PTK7: variants seen among roughly 807,000 people sequenced by gnomAD.
The protein encoded by PTK7 is inactive tyrosine-protein kinase 7.
A neutral mutation model predicts 116.6 loss-of-function variants in PTK7; 39 were observed. The observed-to-expected ratio is 0.33, with a 90% CI of 0.26 to 0.44. PTK7 has a LOEUF of 0.44. PTK7 is among the 20% of genes least tolerant of loss of function. The pLI, the probability that PTK7 is intolerant of heterozygous loss-of-function variation, is 1.00. For synonymous variants in PTK7, 546 were observed against 563.6 expected (o/e 0.97, Z 0.44); for missense variants, 1,169 against 1,425.6 (o/e 0.82, Z 2.90).
chr6:43,144,271 C>A, intron 14 of PTK7, 180 bp from the exon 15 acceptor site: 1 of 698,404 alleles, frequency 1.4e-6, no homozygotes, highest in South Asian at 1.8e-5. Flanking sequence ...AGGGGATAGC[C>A]ATACATCCCC....
chr6:43,133,304 G>GT, intron 7 of PTK7: 1 of 153,266 alleles, frequency 6.5e-6, no homozygotes, highest in South Asian at 2.1e-4. Context: ...GCTGGGCGCG[G>GT]TGGCTCATGC....
Position 43,144,508 on chromosome 6 carries a change from C to T in PTK7, c.2309C>T (p.Thr770Ile). ...SAEIQEEVAL[T>I]SLGSGPAATN... is the part of the protein sequence containing the mutation. ...GAGATCCAAGAAGAAGTGGCCTTGACCAGCTTGGGCTCCGGCCCCGCGGCC... is the reference window on the plus strand; with the variant it reads ...GAGATCCAAGAAGAAGTGGCCTTGATCAGCTTGGGCTCCGGCCCCGCGGCC... The change falls in exon 15 of 20, where the codon ACC becomes ATC. Residue 770 changes from threonine (T) to isoleucine (I), a missense_variant. By Grantham distance (89) the Thr-to-Ile change is moderately conservative. Coordinates refer to ENST00000230419, the MANE Select transcript of PTK7 (RefSeq NM_002821.5). 13 of 1,614,192 alleles carry T rather than the reference C, an allele frequency of 8.1e-6. No individual in the cohort carries two copies. Among genetic ancestry groups the T allele is most frequent in the Non-Finnish European group, 1.1e-5 (13 of 1,180,034 alleles).
At position 43,113,016 on chromosome 6, in the gene PTK7, C is replaced by A. The variant is rs1174148938; in HGVS notation, c.80-15961C>A. 2.0e-5 allele frequency among the ~76,000 whole-genome samples: 3 copies of A among 151,944 alleles called. No individual in the cohort carries two copies. The East Asian group carries it at 5.8e-4, about 29-fold the overall frequency. Reference sequence around the variant, plus strand: ...GCTAATTTTTTTCTTCTTTTAGAGTCAGGGTTTTGCTGTGCTGCTTAGGCT... The same window carrying A: ...GCTAATTTTTTTCTTCTTTTAGAGTAAGGGTTTTGCTGTGCTGCTTAGGCT... On this transcript the variant is annotated intron_variant, in intron 1 of 19. Transcript: ENST00000230419.
chr6:43,131,029 T>TCACACACACACA (rs3222659), intron 5 of PTK7, among the ~76,000 whole-genome samples: 95 of 133,830 alleles, frequency 7.1e-4, no homozygotes, highest in Middle Eastern at 3.8e-3. Context: ...GGCAAAGACA[T>TCACACACACACA]CACACACACA....
chr6:43,143,232 A>T lies in PTK7; in HGVS notation c.2048-185A>T. On this transcript the variant is annotated intron_variant, in intron 13 of 19. Transcript: ENST00000230419. This position sits in a 1 kb window ranked among gnomAD's most constrained non-coding sequence, Gnocchi z 4.2. ...GGGAACCCCTGGCCTCATCTCCTTC[A>T]GAGTCTTCGTTTGACCTTGGTGGGG... The T allele has an allele frequency of 1.6e-6, 1 of 606,600 alleles. No homozygotes were observed. The highest frequency in any genetic ancestry group is 2.0e-5 in the South Asian group (1 of 49,376). The allele number at this position is 606,600 out of a possible 1,614,324, so 37.6% of individuals were successfully genotyped here. A position where few individuals can be genotyped will look rare whatever the true frequency, so the allele number is the denominator to read the frequency against.
At chr6:43,079,267 A>C (rs969279635) in intron 1 of PTK7, among the ~76,000 whole-genome samples, 1 of 152,100 alleles carries the variant, frequency 6.6e-6, no homozygotes, top group Non-Finnish European at 1.5e-5. Context: ...GGAGATTGAG[A>C]CCATCCTGGC....
intron 1 of PTK7, among the ~76,000 whole-genome samples, chr6:43,094,556 C>T (rs1767134122): frequency 1.3e-5 from 2 of 151,894 alleles, no homozygotes; most frequent in African/African-American, 4.8e-5. Flanking sequence ...GCTCCGCCTC[C>T]TGAGTTCACG....
intron 1 of PTK7, among the ~76,000 whole-genome samples, chr6:43,110,887 C>T (rs1044338948): frequency 2.0e-5 from 3 of 152,168 alleles, no homozygotes; most frequent in African/African-American, 7.2e-5. Flanking sequence ...CTTTCCAGGC[C>T]TCTGTTGGCG....
intron 5 of PTK7, 33 bp downstream of exon 5, chr6:43,130,694 A>G (rs755533449): frequency 5.6e-6 from 9 of 1,610,048 alleles, no homozygotes; most frequent in African/African-American, 1.3e-5. Flanking sequence ...TTCCAGTACC[A>G]TGTACCACAC....
rs756455311 is a variant in PTK7, at chr6:43,132,444, G to A, written c.985G>A (p.Glu329Lys). 3 of 1,583,846 alleles carry A rather than the reference G, an allele frequency of 1.9e-6. No individual in the cohort carries two copies. Among genetic ancestry groups the A allele is most frequent in the Non-Finnish European group, 8.6e-7 (1 of 1,159,782 alleles). ...LAEIEDMPLFEPRVFTAGSEE... is the reference protein window; with the variant it reads ...LAEIEDMPLFKPRVFTAGSEE... ...AGAGATTGAAGACATGCCGCTATTT[G>A]AGCCACGGGTGTTTACAGCTGGCAG... Residue 329 changes from glutamate to lysine, a missense_variant, in exon 7 of 20, where the codon GAG becomes AAG. Coordinates refer to ENST00000230419, the MANE Select transcript of PTK7 (RefSeq NM_002821.5).
At position 43,141,570 on chromosome 6, in the gene PTK7, G is replaced by A. The variant is rs905419139; in HGVS notation, c.1619-98G>A. The A allele has an allele frequency of 1.8e-5, 26 of 1,413,132 alleles. No individual in the cohort carries two copies. Among genetic ancestry groups the A allele is most frequent in the East Asian group, 6.9e-5 (3 of 43,416 alleles). 87.5% of individuals were successfully genotyped at this position (1,413,132 alleles called of 1,614,324 possible). ...ACTTTGCCTGTGGGTGGTCAGGAGC[G>A]ATGGTGTGTTTTTGAGTAGAGGTGA... On this transcript the variant is annotated intron_variant, in intron 10 of 19. Coordinates refer to ENST00000230419, the MANE Select transcript of PTK7 (RefSeq NM_002821.5). This position sits in a 1 kb window ranked among gnomAD's most constrained non-coding sequence, Gnocchi z 4.9.
intron 1 of PTK7, among the ~76,000 whole-genome samples, chr6:43,088,429 T>C (rs1419537618): frequency 3.3e-5 from 5 of 152,048 alleles, no homozygotes; most frequent in Admixed American, 1.3e-4. Context: ...TTGCCGTGGC[T>C]CATACCTGTA....
rs1161239021 is a variant in PTK7 at position 43,159,840 on chromosome 6, G to C, written c.2926G>C (p.Glu976Gln). 1 of 1,614,194 alleles carries C rather than the reference G, an allele frequency of 6.2e-7. No homozygotes were observed. The highest frequency in any genetic ancestry group is 1.7e-5 in the Admixed American group (1 of 60,020). ...AWVPLRWMSP[E>Q]AILEGDFSTK... is the part of the protein sequence containing the mutation. ...GGTGCCGCTGCGCTGGATGTCCCCC[G>C]AGGCCATCCTGGAGGGTGACTTCTC... The change falls in exon 19 of 20, where the codon GAG (glutamate) becomes CAG (glutamine). Residue 976 changes from glutamate to glutamine, a missense_variant. Physicochemically the swap from Glu to Gln is conservative, Grantham distance 29. Transcript: ENST00000230419.
intron 7 of PTK7, chr6:43,133,226 G>GA (rs573378547): frequency 1.2e-4 from 20 of 164,938 alleles, no homozygotes; most frequent in East Asian, 5.2e-4. Context: ...TATTACTTAT[G>GA]AAAAAAAAGA....
chr6:43,110,129 T>C (rs898407494), intron 1 of PTK7, among the ~76,000 whole-genome samples: 3 of 151,650 alleles, frequency 2.0e-5, no homozygotes, highest in African/African-American at 7.3e-5. Flanking sequence ...CCTGAGTAGC[T>C]GGGATTACAG....
chr6:43,144,495 G>C lies in PTK7; in HGVS notation c.2296G>C (p.Glu766Gln), dbSNP rs56216742. The change falls in exon 15 of 20, where the codon GAA (glutamate) becomes CAA (glutamine). Residue 766 changes from glutamate (E) to glutamine (Q), a missense_variant. Around this residue, in one of 3 missense-constraint regions of PTK7, gnomAD observed 678 missense variants for 853.8 expected, o/e 0.79. Transcript: ENST00000230419. The stretch of plus-strand genomic sequence containing the variant: ...GCAGCCCTCAGCAGAGATCCAAGAA[G>C]AAGTGGCCTTGACCAGCTTGGGCTC... ...NGQPSAEIQE[E>Q]VALTSLGSGP... 73 of 1,614,184 alleles carry C rather than the reference G, an allele frequency of 4.5e-5. No individual in the cohort carries two copies. The East Asian group carries it at 1.2e-3, about 27-fold the overall frequency.
At chr6:43,092,559 G>T (rs1484188072) in intron 1 of PTK7, among the ~76,000 whole-genome samples, 1 of 152,032 alleles carries the variant, frequency 6.6e-6, no homozygotes, top group Non-Finnish European at 1.5e-5. Flanking sequence ...CCACTGGGGG[G>T]TCATAGAACA....
rs186361011 is a variant in PTK7, at chr6:43,093,894, C to T, written c.79+17327C>T. 3.3e-5 allele frequency among the ~76,000 whole-genome samples: 5 copies of T among 152,298 alleles called. No homozygotes were observed. In the South Asian group the frequency reaches 8.3e-4, roughly 25 times the overall value. ...AGAATCTTCCTGGACCCAAATACCC[C>T]CTAAAAGTTTCCCACTGGCCACTTC... is the stretch of plus-strand genomic sequence containing the variant. On this transcript the variant is annotated intron_variant, in intron 1 of 19. Transcript: ENST00000230419.
chr6:43,099,365 T>C (rs1362767042), intron 1 of PTK7, among the ~76,000 whole-genome samples: 1 of 151,960 alleles, frequency 6.6e-6, no homozygotes, highest in Non-Finnish European at 1.5e-5. Context: ...CCTGAGTAGC[T>C]GGGACTACAG....
Sources: gnomAD v4.1 joint callset for allele counts (sites outside exome capture counted in the v4.1 genomes callset) on GRCh38, gnomAD v4.1.1 for gene constraint, gnomAD v4.1.1 regional missense constraint, Gnocchi (gnomAD v3.1) non-coding constraint, MANE v1.5 for transcripts, NCBI Gene and HGNC (gene_info 2026-07-23, HGNC 2026-07-21) for gene names.